The following ADGRE1 variants were observed in gnomAD, a reference collection of about 807,000 sequenced individuals.
ADGRE1 encodes the protein adhesion G protein-coupled receptor E1, also known as EGF-like module receptor 1.
Under a neutral mutation model 102.7 loss-of-function variants are expected in ADGRE1, and 82 were observed. That is an observed-to-expected ratio of 0.80 (90% CI 0.67 to 0.96). The LOEUF (loss-of-function observed/expected upper bound fraction) is 0.96. Ranked by LOEUF, ADGRE1 falls within the 40% of genes least tolerant of loss-of-function variation. The pLI is 0.00. For synonymous variants in ADGRE1, 398 were observed against 399.6 expected (o/e 1.00, Z 0.05); for missense variants, 1,032 against 1,085.3 (o/e 0.95, Z 0.69).
At chr19:6,905,908 G>C (rs1420980250) in intron 8 of ADGRE1, among the ~76,000 whole-genome samples, 1 of 151,984 alleles carries the variant, frequency 6.6e-6, no homozygotes, top group Non-Finnish European at 1.5e-5. Flanking sequence ...ATCCTCCTTA[G>C]ACAGCCACTT....
chr19:6,913,151 C>T (rs1974259762), intron 10 of ADGRE1, among the ~76,000 whole-genome samples: 1 of 151,974 alleles, frequency 6.6e-6, no homozygotes, highest in African/African-American at 2.4e-5. Context: ...CCAGGCTGGT[C>T]TTGAATTCCT....
chr19:6,931,110 T>C (rs1975127665), intron 17 of ADGRE1, among the ~76,000 whole-genome samples: 1 of 143,086 alleles, frequency 7.0e-6, no homozygotes. Context: ...TTCTGGTAAC[T>C]GCTGTTCTAC....
chr19:6,911,153 C>T (rs1245041189), intron 10 of ADGRE1, among the ~76,000 whole-genome samples: 1 of 152,044 alleles, frequency 6.6e-6, no homozygotes, highest in East Asian at 1.9e-4. Context: ...CACACCCATG[C>T]CTTTTGGGGA....
chr19:6,896,677 T>C (rs2144892130), intron 3 of ADGRE1, 136 bp downstream of exon 3: 1 of 988,722 alleles, frequency 1.0e-6, no homozygotes, highest in Non-Finnish European at 1.5e-6. Context: ...TTAAGTGGAG[T>C]ATTAGGTCAT....
chr19:6,916,510 C>T, intron 12 of ADGRE1, 142 bp downstream of exon 12: 5 of 1,124,848 alleles, frequency 4.4e-6, no homozygotes, highest in Non-Finnish European at 3.7e-6. Context: ...AGAGAGTTTT[C>T]CATGTGCTAG....
rs760388549 is a variant in ADGRE1 at position 6,896,382 on chromosome 19, T to C, written c.95-16T>C. The stretch of plus-strand genomic sequence containing the variant: ...TGCTCTAATCTTGTCTAAACTTTTC[T>C]TTATACACTGCCTAGGTAATAACTG... On this transcript the variant is annotated splice_polypyrimidine_tract_variant and intron_variant, in intron 2 of 20. Transcript: ENST00000312053. 6 of 1,612,628 alleles carry C rather than the reference T, an allele frequency of 3.7e-6. No individual in the cohort carries two copies. Among genetic ancestry groups the C allele is most frequent in the Non-Finnish European group, 4.2e-6 (5 of 1,178,922 alleles).
In ADGRE1 at chr19:6,901,930, C is replaced by T; in HGVS notation, c.570C>T (p.Asn190=). 1 of 1,614,218 alleles carries T rather than the reference C, an allele frequency of 6.2e-7. No homozygotes were observed. Among genetic ancestry groups the T allele is most frequent in the Admixed American group, 1.7e-5 (1 of 60,026 alleles). Residue 190 remains asparagine, a synonymous_variant, in exon 6 of 21, where the codon AAC becomes AAT. Coordinates refer to ENST00000312053, the MANE Select transcript of ADGRE1 (RefSeq NM_001974.5). ...GCCCAGAGCATGCAACTTGTAATAACACTGTTGGAAACTACTCTTGTTTCT... is the reference window on the plus strand; with the variant it reads ...GCCCAGAGCATGCAACTTGTAATAATACTGTTGGAAACTACTCTTGTTTCT... ...RACPEHATCN[N]TVGNYSCFCN...
At chr19:6,911,041 CG>C (rs1568347587) in intron 10 of ADGRE1, among the ~76,000 whole-genome samples, 1 of 151,970 alleles carries the variant, frequency 6.6e-6, no homozygotes, top group Non-Finnish European at 1.5e-5. Flanking sequence ...ATCAGAGGGG[CG>C]GGATTTGAAG....
chr19:6,918,415 T>A (rs574690807), intron 12 of ADGRE1, among the ~76,000 whole-genome samples: 11 of 151,428 alleles, frequency 7.3e-5, no homozygotes, highest in Non-Finnish European at 1.3e-4. Flanking sequence ...CACTCCAGCA[T>A]GGGCAACAGA....
chr19:6,926,077 A>G (rs1974892676), intron 15 of ADGRE1, among the ~76,000 whole-genome samples: 1 of 152,096 alleles, frequency 6.6e-6, no homozygotes, highest in Non-Finnish European at 1.5e-5. Context: ...ACCATTCCCT[A>G]AAGTAGGGTG....
intron 20 of ADGRE1, 106 bp downstream of exon 20, chr19:6,937,754 C>G: frequency 1.1e-6 from 1 of 951,140 alleles, no homozygotes; most frequent in Non-Finnish European, 1.6e-6. Flanking sequence ...GCTGAGGGTG[C>G]CCACCCTAGT....
Position 6,915,933 on chromosome 19 carries a change from A to AC in ADGRE1, c.1301-316_1301-315insC, listed in dbSNP as rs1568351476. Among the ~76,000 whole-genome samples, 126 of 119,906 alleles carry AC rather than the reference A, an allele frequency of 1.1e-3. No homozygotes were observed. In the East Asian group the frequency reaches 0.018, roughly 17 times the overall value. 78.7% of individuals were successfully genotyped at this position (119,906 alleles called of 152,430 possible). On this transcript the variant is annotated intron_variant, in intron 11 of 20. Coordinates refer to ENST00000312053, the MANE Select transcript of ADGRE1 (RefSeq NM_001974.5). ...GAGACTCCGTCTCAAAAAAAAAAAA[A>AC]AAAAAAAAAAAAACTTAGAGAGAAA...
chr19:6,913,382 A>G (rs964899734), intron 10 of ADGRE1, among the ~76,000 whole-genome samples: 43 of 143,888 alleles, frequency 3.0e-4, no homozygotes, highest in Middle Eastern at 3.5e-3. Flanking sequence ...GGGTTTCACT[A>G]TGTTTGCCAG....
Position 6,894,886 on chromosome 19 carries a change from T to C in ADGRE1, c.95-1512T>C, listed in dbSNP as rs543857945. ...CAACAGGGCTTGGAGGCTTATTAAA[T>C]GTGGTGGCTAAACAGGCAACCTGAG... On this transcript the variant is annotated intron_variant, in intron 2 of 20. Coordinates refer to ENST00000312053, the MANE Select transcript of ADGRE1 (RefSeq NM_001974.5). The C allele has an allele frequency of 3.9e-5, 6 of 152,314 alleles. No homozygotes were observed. In the East Asian group the frequency reaches 1.2e-3, roughly 29 times the overall value. 9.4% of individuals were successfully genotyped at this position (152,314 alleles called of 1,614,324 possible).
chr19:6,934,756 C>A (rs981924369), intron 17 of ADGRE1, among the ~76,000 whole-genome samples: 1 of 149,378 alleles, frequency 6.7e-6, no homozygotes, highest in African/African-American at 2.5e-5. Flanking sequence ...CACCACCATG[C>A]ATGGCTAATT....
In ADGRE1 at chr19:6,933,177, C is replaced by T. The variant is rs560386816; in HGVS notation, c.2290-1810C>T. ...CAGAGGTTACTGTGAGCCGAGGTTG[C>T]GCCATTGCACTCCAGCCTGGGAGAC... On this transcript the variant is annotated intron_variant, in intron 17 of 20. Transcript: ENST00000312053. Among the ~76,000 whole-genome samples the T allele has an allele frequency of 2.0e-5, 3 of 152,206 alleles. No individual in the cohort carries two copies. In the East Asian group the frequency reaches 5.8e-4, roughly 30 times the overall value.
At chr19:6,919,808 A>G (rs1459770587) in intron 13 of ADGRE1, 61 bp downstream of exon 13, 24 of 1,532,798 alleles carry the variant, frequency 1.6e-5, no homozygotes, top group Non-Finnish European at 2.1e-5. Context: ...TCGTCTCTCG[A>G]TTGCCTTAAC....
chr19:6,916,162 T>C lies in ADGRE1; in HGVS notation c.1301-87T>C, dbSNP rs796857515. 2.0e-5 allele frequency: 29 copies of C among 1,466,430 alleles called. No individual in the cohort carries two copies. The African/African-American group carries it at 3.5e-4, about 18-fold the overall frequency. The allele number at this position is 1,466,430 out of a possible 1,614,324, so 90.8% of individuals were successfully genotyped here. ...TATTCTTTTCCTTTGCTCGCCATGA[T>C]GGAGGTGTACCTTTTTTTGGACAGA... On this transcript the variant is annotated intron_variant, in intron 11 of 20. Coordinates refer to ENST00000312053, the MANE Select transcript of ADGRE1 (RefSeq NM_001974.5).
intron 17 of ADGRE1, among the ~76,000 whole-genome samples, chr19:6,934,698 G>A (rs252549): frequency 0.75 from 110,873 of 148,540 alleles, 41,460 homozygotes; most frequent in Non-Finnish European, 0.79. Flanking sequence ...CCCAGGTTCA[G>A]GTGATTCCCC....
Sources: allele counts gnomAD v4.1 joint callset (sites outside exome capture counted in the v4.1 genomes callset), GRCh38; gene constraint gnomAD v4.1.1; transcripts MANE v1.5; gene names NCBI Gene and HGNC (gene_info 2026-07-23, HGNC 2026-07-21).